NFYA: variants seen among roughly 807,000 people sequenced by gnomAD.
NFYA encodes nuclear transcription factor Y subunit alpha.
In NFYA, 28 loss-of-function variants were observed where a neutral mutation model predicts 52.8. The observed-to-expected ratio is 0.53, with a 90% CI of 0.39 to 0.73. The LOEUF (loss-of-function observed/expected upper bound fraction) is 0.73, where lower values mean the gene tolerates loss of function less well. Ranked by LOEUF, NFYA falls within the 30% of genes least tolerant of loss-of-function variation. The probability of loss-of-function intolerance (pLI) is 0.00; values close to 1 mark genes in which losing one functional copy is unlikely to be tolerated. For missense variants in NFYA, 234 were observed against 427.0 expected, an observed-to-expected ratio of 0.55 and a Z score of 3.98; for synonymous variants, 150 against 150.7, an observed-to-expected ratio of 1.00 and a Z score of 0.03.
chr6:41,095,363 T>C (rs1764318859), intron 9 of NFYA, among the ~76,000 whole-genome samples: 1 of 152,254 alleles, frequency 6.6e-6, no homozygotes, highest in Non-Finnish European at 1.5e-5. Context: ...CTGTATGCCC[T>C]TTATCTTTTT....
intron 1 of NFYA, among the ~76,000 whole-genome samples, chr6:41,073,777 TC>T (rs1163711222): frequency 6.6e-6 from 1 of 151,858 alleles, no homozygotes; most frequent in Admixed American, 6.6e-5. Flanking sequence ...CTCCCCCTGC[TC>T]CGCCGCGCCC....
chr6:41,089,726 CT>C lies in NFYA; in HGVS notation c.441+17del. 6.2e-7 allele frequency: 1 copy of C among 1,609,228 alleles called. No homozygotes were observed. Reference sequence around the variant, plus strand: ...CCAGACTCAGGTAATTCCACTAGCTCTGTCACACAGGAGCAAAACTGATTTG... The same window carrying C: ...CCAGACTCAGGTAATTCCACTAGCTCGTCACACAGGAGCAAAACTGATTTG... On this transcript the variant is annotated intron_variant, in intron 5 of 9. Coordinates refer to ENST00000341376, the MANE Select transcript of NFYA (RefSeq NM_002505.5).
At chr6:41,085,307 A>C (rs1464454476) in intron 4 of NFYA, among the ~76,000 whole-genome samples, 3 of 152,228 alleles carry the variant, frequency 2.0e-5, no homozygotes, top group African/African-American at 7.2e-5. Flanking sequence ...ATAAAATTGC[A>C]ATCTGAGTGT....
Position 41,100,466 on chromosome 6 carries a change from C to T in NFYA, c.*3056C>T, listed in dbSNP as rs926004218. On this transcript the variant is annotated 3_prime_UTR_variant, in exon 10 of 10. Transcript: ENST00000341376. ...AATCTAAGCAACAAAGACTAGAAGC[C>T]TCCGATATGCCATTATCAACACACA... Among the ~76,000 whole-genome samples, 1 of 152,158 alleles carries T rather than the reference C, an allele frequency of 6.6e-6. No homozygotes were observed. Among genetic ancestry groups the T allele is most frequent in the Non-Finnish European group, 1.5e-5 (1 of 68,028 alleles).
At position 41,079,094 on chromosome 6, in the gene NFYA, A is replaced by G; in HGVS notation, c.5A>G (p.Glu2Gly). The change falls in exon 2 of 10, where the codon GAG becomes GGG. Residue 2 changes from glutamate to glycine, a missense_variant. Transcript: ENST00000341376. M[E>G]QYTANSNSST... ...GGAATCTCACTTGGAGGGACCATGG[A>G]GCAGTATACAGCAAACAGCAATAGT... 6.2e-7 allele frequency: 1 copy of G among 1,614,110 alleles called. No individual in the cohort carries two copies. The highest frequency in any genetic ancestry group is 8.5e-7 in the Non-Finnish European group (1 of 1,179,968).
At position 41,080,884 on chromosome 6, in the gene NFYA, A is replaced by G; in HGVS notation, c.149A>G (p.Gln50Arg). ...GCATCCGCCTCAGGCCAGCAAGTCC[A>G]GACCCTCCAGGTAGTGGTACCCTCT... ...QVASASGQQV[Q>R]TLQVVQGQPL... Residue 50 changes from glutamine (Q) to arginine (R), a missense_variant, in exon 3 of 10, where the codon CAG becomes CGG. Gln to Arg is a conservative substitution (Grantham distance 43, BLOSUM62 1). Coordinates refer to ENST00000341376, the MANE Select transcript of NFYA (RefSeq NM_002505.5). 2 of 1,613,872 alleles carry G rather than the reference A, an allele frequency of 1.2e-6. No individual in the cohort carries two copies. Among genetic ancestry groups the G allele is most frequent in the East Asian group, 4.5e-5 (2 of 44,874 alleles).
chr6:41,097,210 C>G (rs1266740966), intron 9 of NFYA, 147 bp from the exon 10 acceptor site: 1 of 687,310 alleles, frequency 1.5e-6, no homozygotes, highest in Non-Finnish European at 2.6e-6. Flanking sequence ...ACACTTTAAG[C>G]CATGTATGCA....
At chr6:41,085,752 A>ATT (rs3840128) in intron 4 of NFYA, among the ~76,000 whole-genome samples, 3 of 146,228 alleles carry the variant, frequency 2.1e-5, no homozygotes, top group Non-Finnish European at 3.0e-5. Flanking sequence ...TTGTGTTTTC[A>ATT]TTTTTTTTTT....
chr6:41,088,896 A>G (rs1374353229), intron 4 of NFYA, among the ~76,000 whole-genome samples: 1 of 152,120 alleles, frequency 6.6e-6, no homozygotes, highest in Non-Finnish European at 1.5e-5. Flanking sequence ...CATTTTTAAT[A>G]TATATAGTAT....
chr6:41,091,504 GT>G (rs770788706), intron 6 of NFYA, 23 bp from the exon 7 acceptor site: 1 of 1,608,180 alleles, frequency 6.2e-7, no homozygotes, highest in South Asian at 1.1e-5. Flanking sequence ...TTTTTTGTTT[GT>G]TTTATGTTTT....
chr6:41,073,568 C>T (rs1442438930), intron 1 of NFYA, among the ~76,000 whole-genome samples: 2 of 151,928 alleles, frequency 1.3e-5, no homozygotes, highest in African/African-American at 4.8e-5. Flanking sequence ...CCGCGCCCCC[C>T]GCTCCCCGCT....
intron 1 of NFYA, among the ~76,000 whole-genome samples, chr6:41,073,751 G>A (rs915247430): frequency 3.9e-5 from 6 of 152,116 alleles, no homozygotes; most frequent in Non-Finnish European, 8.8e-5. Context: ...GGGAGAGGGG[G>A]CCGTTAGTTC....
intron 4 of NFYA, among the ~76,000 whole-genome samples, chr6:41,087,767 A>G (rs772000882): frequency 2.6e-5 from 4 of 152,234 alleles, no homozygotes; most frequent in Admixed American, 6.5e-5. Context: ...TGTACACCCA[A>G]CATTTAAAGG....
chr6:41,086,870 G>A (rs1294010623), intron 4 of NFYA, among the ~76,000 whole-genome samples: 1 of 151,972 alleles, frequency 6.6e-6, no homozygotes, highest in African/African-American at 2.4e-5. Context: ...TTTGCTAGGT[G>A]GATTAAAGAT....
Position 41,079,038 on chromosome 6 carries a change from T to C in NFYA, c.-52T>C. ...CCCACCTTTCTAACAGGAGTGTACC[T>C]CACAGCCTTCTAGGATCTCCAGAGT... On this transcript the variant is annotated 5_prime_UTR_variant, in exon 2 of 10. Coordinates refer to ENST00000341376, the MANE Select transcript of NFYA (RefSeq NM_002505.5). 1 of 1,569,080 alleles carries C rather than the reference T, an allele frequency of 6.4e-7. No homozygotes were observed.
rs1173148474 is a variant in NFYA at position 41,101,004 on chromosome 6, G to A, written c.*3594G>A. Reference sequence around the variant, plus strand: ...GCTACGCGGCTGGGCCCTGTTTCCGGTACCTAGGCGGGCAGCCATGGTGAC... The same window carrying A: ...GCTACGCGGCTGGGCCCTGTTTCCGATACCTAGGCGGGCAGCCATGGTGAC... On this transcript the variant is annotated 3_prime_UTR_variant, in exon 10 of 10. Coordinates refer to ENST00000341376, the MANE Select transcript of NFYA (RefSeq NM_002505.5). 1.3e-5 allele frequency: 2 copies of A among 152,268 alleles called. No individual in the cohort carries two copies. Among genetic ancestry groups the A allele is most frequent in the South Asian group, 2.1e-4 (1 of 4,834 alleles). The allele number at this position is 152,268 out of a possible 1,614,324, so 9.4% of individuals were successfully genotyped here.
intron 1 of NFYA, among the ~76,000 whole-genome samples, chr6:41,073,771 C>T (rs551527109): frequency 7.9e-5 from 12 of 152,130 alleles, no homozygotes; most frequent in Non-Finnish European, 1.5e-4. Flanking sequence ...CGCCCACTCC[C>T]CCTGCTCCGC....
At chr6:41,081,259 G>A (rs745327815) in intron 3 of NFYA, among the ~76,000 whole-genome samples, 17 of 152,188 alleles carry the variant, frequency 1.1e-4, no homozygotes, top group Non-Finnish European at 2.4e-4. Flanking sequence ...GGAGGCCGAG[G>A]CAGGCGGATC....
rs562008430 is a variant in NFYA, at chr6:41,101,693, C to G, written c.*4283C>G. ...CTGTCCTCACTGTGTGAGTGGTTCT[C>G]TAGCCAGACATGAGGAGGGATCCTA... is the stretch of plus-strand genomic sequence containing the variant. On this transcript the variant is annotated 3_prime_UTR_variant, in exon 10 of 10. Transcript: ENST00000341376. Among the ~76,000 whole-genome samples the G allele has an allele frequency of 3.3e-5, 5 of 152,214 alleles. No homozygotes were observed. The highest frequency in any genetic ancestry group is 7.2e-5 in the African/African-American group (3 of 41,536).
Sources: gnomAD v4.1 joint callset for allele counts (sites outside exome capture counted in the v4.1 genomes callset) on GRCh38, gnomAD v4.1.1 for gene constraint, MANE v1.5 for transcripts, NCBI Gene and HGNC (gene_info 2026-07-23, HGNC 2026-07-21) for gene names.